The following CNTNAP2 variants were observed in gnomAD, a reference collection of about 807,000 sequenced individuals.
CNTNAP2 encodes the protein contactin-associated protein-like 2.
CNTNAP2 carries 98 observed loss-of-function variants against 155.2 expected under a neutral mutation model. That is an observed-to-expected ratio of 0.63 (90% CI 0.54 to 0.75). CNTNAP2 has a LOEUF of 0.75. Ranked by LOEUF, CNTNAP2 falls within the 30% of genes least tolerant of loss-of-function variation. The probability of loss-of-function intolerance (pLI) is 0.00; values close to 1 mark genes in which losing one functional copy is unlikely to be tolerated. For missense variants in CNTNAP2, 1,727 were observed against 1,688.1 expected (o/e 1.02, Z -0.40); for synonymous variants, 651 against 631.2 (o/e 1.03, Z -0.47).
At chr7:147,426,756 CTA>C (rs1434864391) in intron 10 of CNTNAP2, among the ~76,000 whole-genome samples, 2 of 152,076 alleles carry the variant, frequency 1.3e-5, no homozygotes, top group African/African-American at 2.4e-5. Context: ...TTGTTTACCA[CTA>C]TGTCTTCAGT....
chr7:147,589,552 C>T (rs1800699661), intron 12 of CNTNAP2, among the ~76,000 whole-genome samples: 1 of 152,012 alleles, frequency 6.6e-6, no homozygotes, highest in Non-Finnish European at 1.5e-5. Flanking sequence ...AGTTTTATGG[C>T]ATGTAAATGT....
chr7:146,706,684 C>T (rs564127784), intron 1 of CNTNAP2, among the ~76,000 whole-genome samples: 8 of 152,054 alleles, frequency 5.3e-5, no homozygotes, highest in Non-Finnish European at 1.2e-4. Flanking sequence ...CCAAATACCG[C>T]ATGTTCTCAC....
intron 1 of CNTNAP2, among the ~76,000 whole-genome samples, chr7:146,742,289 C>T (rs1801731504): frequency 6.6e-6 from 1 of 152,118 alleles, no homozygotes; most frequent in African/African-American, 2.4e-5. Flanking sequence ...TTCCATCATA[C>T]TTAAAGTCTT....
chr7:147,651,261 G>A (rs10245518), intron 13 of CNTNAP2, among the ~76,000 whole-genome samples: 2,783 of 152,308 alleles, frequency 0.018, 89 homozygotes, highest in African/African-American at 0.063. Flanking sequence ...GTCCACAGGA[G>A]GTAGTTCTTC....
intron 10 of CNTNAP2, among the ~76,000 whole-genome samples, chr7:147,420,678 A>T (rs1797276438): frequency 6.6e-6 from 1 of 152,228 alleles, no homozygotes; most frequent in Non-Finnish European, 1.5e-5. Flanking sequence ...ATTTTTTTAA[A>T]GAAATTATGA....
chr7:146,133,799 C>A (rs1330303140), intron 1 of CNTNAP2, among the ~76,000 whole-genome samples: 3 of 152,138 alleles, frequency 2.0e-5, no homozygotes, highest in African/African-American at 7.2e-5. Context: ...CAGTACCATG[C>A]TGTTTTGGTT....
intron 1 of CNTNAP2, among the ~76,000 whole-genome samples, chr7:146,433,626 G>A: frequency 6.6e-6 from 1 of 152,138 alleles, no homozygotes; most frequent in Non-Finnish European, 1.5e-5. Flanking sequence ...TGTGGAAGAT[G>A]AGTGAGAAAG....
intron 1 of CNTNAP2, among the ~76,000 whole-genome samples, chr7:146,215,708 T>C (rs1322306211): frequency 6.6e-6 from 1 of 152,182 alleles, no homozygotes; most frequent in Non-Finnish European, 1.5e-5. Flanking sequence ...ATTACACATT[T>C]CTACTCTTGT....
chr7:147,057,612 A>G (rs1799586338), intron 4 of CNTNAP2, among the ~76,000 whole-genome samples: 1 of 152,162 alleles, frequency 6.6e-6, no homozygotes, highest in South Asian at 2.1e-4. Context: ...ATTCAATACT[A>G]GAAGTGCATC....
chr7:147,120,859 C>T (rs567302988), intron 5 of CNTNAP2, 120 bp from the exon 6 acceptor site: 12 of 917,790 alleles, frequency 1.3e-5, no homozygotes, highest in African/African-American at 6.5e-5. Flanking sequence ...CAGGTTAACT[C>T]GAATGGATAG....
chr7:147,147,111 G>T (rs1425125027), intron 8 of CNTNAP2, among the ~76,000 whole-genome samples: 2 of 152,100 alleles, frequency 1.3e-5, no homozygotes, highest in African/African-American at 2.4e-5. Context: ...AGAAGCGAAG[G>T]GGAAGCAAAC....
chr7:147,148,459 G>A (rs972851060), intron 8 of CNTNAP2, among the ~76,000 whole-genome samples: 3 of 151,406 alleles, frequency 2.0e-5, no homozygotes, highest in South Asian at 2.1e-4. Flanking sequence ...AAAAAGTCAC[G>A]CTTGGATAGG....
At chr7:146,794,112 T>C (rs925948919) in intron 2 of CNTNAP2, among the ~76,000 whole-genome samples, 1 of 152,188 alleles carries the variant, frequency 6.6e-6, no homozygotes, top group Admixed American at 6.5e-5. Context: ...CTCAAAGCAT[T>C]AGACATTTTC....
At chr7:148,364,023 G>A (rs781774356) in intron 21 of CNTNAP2, among the ~76,000 whole-genome samples, 5 of 152,196 alleles carry the variant, frequency 3.3e-5, no homozygotes, top group African/African-American at 7.2e-5. Flanking sequence ...TCGATTTCTC[G>A]CCGGGCCTTG....
intron 8 of CNTNAP2, among the ~76,000 whole-genome samples, chr7:147,278,252 C>T (rs1280135304): frequency 2.0e-5 from 3 of 151,694 alleles, no homozygotes; most frequent in Non-Finnish European, 4.4e-5. Context: ...TTCCCTATAT[C>T]CTCAAAAGAA....
intron 1 of CNTNAP2, among the ~76,000 whole-genome samples, chr7:146,127,592 G>C (rs1797655032): frequency 6.6e-6 from 1 of 152,066 alleles, no homozygotes; most frequent in African/African-American, 2.4e-5. Flanking sequence ...TTTTCTACCG[G>C]ATTTTATTTT....
chr7:146,846,600 A>G (rs897658793), intron 3 of CNTNAP2, among the ~76,000 whole-genome samples: 1 of 152,188 alleles, frequency 6.6e-6, no homozygotes, highest in African/African-American at 2.4e-5. Flanking sequence ...CTTTCTAAAT[A>G]CACATTTGTA....
intron 10 of CNTNAP2, among the ~76,000 whole-genome samples, chr7:147,447,535 C>A (rs1206419637): frequency 6.6e-6 from 1 of 152,088 alleles, no homozygotes; most frequent in Non-Finnish European, 1.5e-5. Context: ...CCTGTCTCAG[C>A]CTCCCCAAGT....
At position 147,043,940 on chromosome 7, in the gene CNTNAP2, G is replaced by T. The variant is rs781338949; in HGVS notation, c.436G>T (p.Val146Phe). ...CGGAAACATTAACTCTGACGGTGTG[G>T]TCCGGCACGAATTACAGCATCCGAT... is the stretch of plus-strand genomic sequence containing the variant. The part of the protein sequence containing the change: ...FPGNINSDGV[V>F]RHELQHPIIA... Residue 146 changes from valine to phenylalanine, a missense_variant, in exon 4 of 24, where the codon GTC (valine) becomes TTC (phenylalanine). Coordinates refer to ENST00000361727, the MANE Select transcript of CNTNAP2 (RefSeq NM_014141.6). 1.9e-6 allele frequency: 3 copies of T among 1,614,018 alleles called. No homozygotes were observed. The highest frequency in any genetic ancestry group is 1.3e-5 in the African/African-American group (1 of 74,908).
Sources: gnomAD v4.1 joint callset for allele counts (sites outside exome capture counted in the v4.1 genomes callset) on GRCh38, gnomAD v4.1.1 for gene constraint, MANE v1.5 for transcripts, NCBI Gene and HGNC (gene_info 2026-07-23, HGNC 2026-07-21) for gene names.